STRN3: variants seen among roughly 807,000 people sequenced by gnomAD.
The protein encoded by STRN3 is striatin 3.
In STRN3, 29 loss-of-function variants were observed where a neutral mutation model predicts 95.6. The observed-to-expected ratio is 0.30, with a 90% CI of 0.23 to 0.41. The LOEUF is 0.41. Ranked by LOEUF, STRN3 falls within the 10% of genes least tolerant of loss-of-function variation. The pLI, the probability that STRN3 is intolerant of heterozygous loss-of-function variation, is 1.00. For missense variants in STRN3, 890 were observed against 972.1 expected, an observed-to-expected ratio of 0.92 and a Z score of 1.12; for synonymous variants, 331 against 357.6, an observed-to-expected ratio of 0.93 and a Z score of 0.84.
chr14:31,010,801 G>C (rs1882935308), intron 1 of STRN3, among the ~76,000 whole-genome samples: 1 of 152,216 alleles, frequency 6.6e-6, no homozygotes, highest in Non-Finnish European at 1.5e-5. Context: ...CACTTTGGGA[G>C]GCCAAGGCGG....
chr14:30,988,569 T>TA (rs1361523423), intron 1 of STRN3, among the ~76,000 whole-genome samples: 1 of 152,198 alleles, frequency 6.6e-6, no homozygotes, highest in African/African-American at 2.4e-5. Flanking sequence ...ATTTATTCCT[T>TA]AAAATCTGAA....
chr14:30,943,754 A>T (rs1278755250), intron 5 of STRN3, among the ~76,000 whole-genome samples: 1 of 152,248 alleles, frequency 6.6e-6, no homozygotes, highest in African/African-American at 2.4e-5. Flanking sequence ...CCATGAAGAC[A>T]TTACGCTAAG....
chr14:30,974,816 TAAAC>T (rs146203314), intron 1 of STRN3, among the ~76,000 whole-genome samples: 94,962 of 150,140 alleles, frequency 0.63, 31,003 homozygotes, highest in Non-Finnish European at 0.72. Flanking sequence ...AACAAATAAA[TAAAC>T]AAACAAACAG....
At chr14:31,005,855 C>T (rs557375379) in intron 1 of STRN3, among the ~76,000 whole-genome samples, 9 of 152,314 alleles carry the variant, frequency 5.9e-5, no homozygotes, top group East Asian at 1.9e-4. Flanking sequence ...CAGTGGCTCA[C>T]GCCCGTAATC....
At chr14:30,964,422 G>A in intron 1 of STRN3, 1 of 154,068 alleles carries the variant, frequency 6.5e-6, no homozygotes. Context: ...AGCTAAAGAG[G>A]CACCATTTGT....
chr14:31,016,785 C>T (rs1198742980), intron 1 of STRN3, among the ~76,000 whole-genome samples: 2 of 152,124 alleles, frequency 1.3e-5, no homozygotes, highest in Non-Finnish European at 2.9e-5. Flanking sequence ...CCTTGTGATC[C>T]ACCCGCTTTG....
chr14:31,016,422 T>C (rs1206770414), intron 1 of STRN3, among the ~76,000 whole-genome samples: 2 of 152,130 alleles, frequency 1.3e-5, no homozygotes, highest in African/African-American at 2.4e-5. Flanking sequence ...AATACACTGC[T>C]ACTAAGTGAA....
intron 1 of STRN3, among the ~76,000 whole-genome samples, chr14:30,982,790 C>T (rs1439417195): frequency 6.6e-6 from 1 of 151,910 alleles, no homozygotes; most frequent in African/African-American, 2.4e-5. Context: ...ATTTTAGATA[C>T]AGTCTCGTTA....
chr14:30,974,079 T>C (rs1182532235), intron 1 of STRN3, among the ~76,000 whole-genome samples: 1 of 152,150 alleles, frequency 6.6e-6, no homozygotes, highest in African/African-American at 2.4e-5. Context: ...CACACTTCTA[T>C]TCAATATAGT....
chr14:31,026,201 G>C lies in STRN3; in HGVS notation c.-16C>G, dbSNP rs1169132678. On this transcript the variant is annotated 5_prime_UTR_variant, in exon 1 of 18. Transcript: ENST00000357479. ...GCTCGTCCATTGTGTGTGGGGCCCC[G>C]GCCGGGGCGCAGGGCGAGACGCCGA... 30 of 1,405,572 alleles carry C rather than the reference G, an allele frequency of 2.1e-5. No homozygotes were observed. The highest frequency in any genetic ancestry group is 2.7e-5 in the Non-Finnish European group (29 of 1,089,364). The allele number at this position is 1,405,572 out of a possible 1,614,324, so 87.1% of individuals were successfully genotyped here.
chr14:30,952,320 G>A (rs1335925739), intron 3 of STRN3, among the ~76,000 whole-genome samples: 1 of 152,114 alleles, frequency 6.6e-6, no homozygotes, highest in African/African-American at 2.4e-5. Context: ...AAGACTCTGT[G>A]AGGCTCCTAG....
chr14:30,902,171 C>CAAAAAA (rs71112350), intron 16 of STRN3, among the ~76,000 whole-genome samples: 24 of 39,852 alleles, frequency 6.0e-4, no homozygotes, highest in East Asian at 7.5e-4. Context: ...AACTCCGCCT[C>CAAAAAA]AAAAAAAAAA....
chr14:30,910,117 T>C (rs1280100059), intron 13 of STRN3, among the ~76,000 whole-genome samples: 1 of 152,214 alleles, frequency 6.6e-6, no homozygotes, highest in African/African-American at 2.4e-5. Context: ...AAACCTTACA[T>C]TTATCAGATA....
intron 15 of STRN3, among the ~76,000 whole-genome samples, chr14:30,903,873 T>TATTATCAATATTTGATCAA (rs1305749716): frequency 4.6e-5 from 7 of 152,238 alleles, no homozygotes; most frequent in Non-Finnish European, 1.0e-4. Flanking sequence ...TACAAAGTTT[T>TATTATCAATATTTGATCAA]ATTATCAATA....
intron 9 of STRN3, among the ~76,000 whole-genome samples, chr14:30,916,510 C>T (rs1896744159): frequency 6.6e-6 from 1 of 152,000 alleles, no homozygotes; most frequent in Non-Finnish European, 1.5e-5. Context: ...CTCCTGACCT[C>T]GTGATCCACC....
intron 8 of STRN3, among the ~76,000 whole-genome samples, chr14:30,919,866 T>G (rs1417214310): frequency 3.9e-5 from 6 of 152,194 alleles, no homozygotes; most frequent in African/African-American, 1.4e-4. Flanking sequence ...TTGTGGAATA[T>G]TCTTTAACTC....
chr14:30,987,082 C>T (rs1453637106), intron 1 of STRN3, among the ~76,000 whole-genome samples: 1 of 152,146 alleles, frequency 6.6e-6, no homozygotes, highest in Non-Finnish European at 1.5e-5. Context: ...AGAAGGCATA[C>T]AGTCCTTTAA....
intron 1 of STRN3, among the ~76,000 whole-genome samples, chr14:31,010,150 A>T (rs999509786): frequency 6.6e-6 from 1 of 152,184 alleles, no homozygotes; most frequent in Non-Finnish European, 1.5e-5. Context: ...GAAATCAGTA[A>T]AAAAGGAAAT....
At chr14:30,944,115 C>T (rs1416909739) in intron 5 of STRN3, among the ~76,000 whole-genome samples, 2 of 151,786 alleles carry the variant, frequency 1.3e-5, no homozygotes, top group African/African-American at 2.4e-5. Context: ...TACAGCTTAT[C>T]GAGGATCTTT....
Sources: allele counts gnomAD v4.1 joint callset (sites outside exome capture counted in the v4.1 genomes callset), GRCh38; gene constraint gnomAD v4.1.1; transcripts MANE v1.5; gene names NCBI Gene and HGNC (gene_info 2026-07-23, HGNC 2026-07-21).